Variants in CYP3A5 observed in about 807,000 individuals in gnomAD.
The protein encoded by CYP3A5 is cytochrome P450 3A5.
In CYP3A5, 51 loss-of-function variants were observed where a neutral mutation model predicts 55.9. The ratio of observed to expected loss-of-function variants is 0.91; its 90% CI spans 0.73 to 1.15. CYP3A5 has a LOEUF of 1.15. Ranked by LOEUF, CYP3A5 falls within the 50% of genes most tolerant of loss-of-function variation. The pLI is 0.00. For missense variants in CYP3A5, 533 were observed against 596.6 expected (o/e 0.89, Z 1.11); for synonymous variants, 196 against 213.9 (o/e 0.92, Z 0.73).
In CYP3A5 at chr7:99,652,756, C is replaced by G; in HGVS notation, c.1050G>C (p.Val350=). The G allele has an allele frequency of 6.2e-7, 1 of 1,613,500 alleles. No individual in the cohort carries two copies. The highest frequency in any genetic ancestry group is 8.5e-7 in the Non-Finnish European group (1 of 1,179,896). The change falls in exon 11 of 13, where the codon GTG becomes GTC. Residue 350 remains valine (V), a synonymous_variant. Coordinates refer to ENST00000222982, the MANE Select transcript of CYP3A5 (RefSeq NM_000777.5). ...PNKAPPTYDA[V]VQMEYLDMVV... is the part of the protein sequence containing the mutation. ...CCATGTCAAGGTACTCCATCTGTAC[C>G]ACGGCATCATAGGTAGGTGGTGCCT...
At chr7:99,665,922 T>C (rs528985826) in intron 6 of CYP3A5, among the ~76,000 whole-genome samples, 3 of 152,298 alleles carry the variant, frequency 2.0e-5, no homozygotes, top group Admixed American at 2.0e-4. Flanking sequence ...AAGAATGTTC[T>C]GGTTAAAAAA....
At position 99,677,918 on chromosome 7, in the gene CYP3A5, C is replaced by T. The variant is rs373258927; in HGVS notation, c.72-1710G>A. ...CCCAAGGAAAGATCTTGGTGAGTGT[C>T]TAGATTCACATGGTACCATGTCAAG... On this transcript the variant is annotated intron_variant, in intron 1 of 12. Coordinates refer to ENST00000222982, the MANE Select transcript of CYP3A5 (RefSeq NM_000777.5). 7.9e-5 allele frequency among the ~76,000 whole-genome samples: 12 copies of T among 152,342 alleles called. 1 individual carries two copies. Among genetic ancestry groups the T allele is most frequent in the African/African-American group, 2.9e-4 (12 of 41,584 alleles).
intron 10 of CYP3A5, among the ~76,000 whole-genome samples, chr7:99,655,474 T>TA (rs1809618505): frequency 6.6e-6 from 1 of 152,228 alleles, no homozygotes; most frequent in South Asian, 2.1e-4. Flanking sequence ...CTGTTTTGGT[T>TA]ACTGTAGCCT....
chr7:99,664,746 A>G (rs546182066), intron 7 of CYP3A5, among the ~76,000 whole-genome samples: 2 of 152,310 alleles, frequency 1.3e-5, no homozygotes. Flanking sequence ...AATTGATTAT[A>G]ATTATTTACA....
At chr7:99,663,385 T>C in intron 8 of CYP3A5, 1 of 991,786 alleles carries the variant, frequency 1.0e-6, no homozygotes, top group Non-Finnish European at 1.2e-6. Context: ...CCTGGTCCTG[T>C]CTCCCTGACC....
intron 1 of CYP3A5, among the ~76,000 whole-genome samples, chr7:99,677,403 A>G (rs1180438452): frequency 6.6e-6 from 1 of 152,218 alleles, no homozygotes; most frequent in African/African-American, 2.4e-5. Flanking sequence ...CTTTCAGCTA[A>G]AAGACACAGA....
rs1426988590 is a variant in CYP3A5 at position 99,653,346 on chromosome 7, G to A, written c.1027-567C>T. 6.6e-6 allele frequency among the ~76,000 whole-genome samples: 1 copy of A among 152,070 alleles called. No homozygotes were observed. Among genetic ancestry groups the A allele is most frequent in the Non-Finnish European group, 1.5e-5 (1 of 68,012 alleles). ...TGTGCCTGTAGTTCCAGCTACTCAG[G>A]AGACAGAGGCGGGAGGATGGCTTGA... On this transcript the variant is annotated intron_variant, in intron 10 of 12. Transcript: ENST00000222982. This position sits in a 1 kb window ranked among gnomAD's most constrained non-coding sequence, Gnocchi z 4.2.
chr7:99,669,388 C>T (rs992210572), intron 4 of CYP3A5, among the ~76,000 whole-genome samples: 3 of 152,104 alleles, frequency 2.0e-5, no homozygotes, highest in African/African-American at 7.2e-5. Context: ...AGTTACAACT[C>T]GGACTCAATC....
intron 2 of CYP3A5, among the ~76,000 whole-genome samples, chr7:99,675,626 T>TCTCCC (rs1563003628): frequency 1.5e-3 from 1 of 662 alleles, no homozygotes. Flanking sequence ...CCTCTCCTTT[T>TCTCCC]CTCTCCTCTC....
In CYP3A5 at chr7:99,652,663, A is replaced by C. The variant is rs759779295; in HGVS notation, c.1143T>G (p.Val381=). Reference sequence around the variant, plus strand: ...TGGGAATGAATACCCCATTGATTTCAACATCTTTCTTGCAAGTCCTCTCAA... The same window carrying C: ...TGGGAATGAATACCCCATTGATTTCCACATCTTTCTTGCAAGTCCTCTCAA... The part of the protein sequence containing the change: ...IRLERTCKKD[V]EINGVFIPKG... The change falls in exon 11 of 13, where the codon GTT becomes GTG. Residue 381 remains valine, a synonymous_variant. Transcript: ENST00000222982. 8 of 1,614,116 alleles carry C rather than the reference A, an allele frequency of 5.0e-6. No homozygotes were observed. The highest frequency in any genetic ancestry group is 6.8e-6 in the Non-Finnish European group (8 of 1,180,006).
chr7:99,671,095 A>T (rs2151438429), intron 4 of CYP3A5: 1 of 149,510 alleles, frequency 6.7e-6, no homozygotes, highest in South Asian at 2.1e-4. Context: ...TAGATATATA[A>T]TGAAAACTAT....
chr7:99,674,516 G>A lies in CYP3A5; in HGVS notation c.218+17C>T, dbSNP rs1812028773. ...ACAGTAGCAGGTCTATCCAATGGAG[G>A]TTTTCAGAATACTCACCCCCACATT... On this transcript the variant is annotated intron_variant, in intron 3 of 12. Coordinates refer to ENST00000222982, the MANE Select transcript of CYP3A5 (RefSeq NM_000777.5). The A allele has an allele frequency of 6.2e-7, 1 of 1,611,100 alleles. No homozygotes were observed. The highest frequency in any genetic ancestry group is 1.3e-5 in the African/African-American group (1 of 74,966).
rs28383470 is a variant in CYP3A5, at chr7:99,676,079, C to T, written c.165+36G>A. ...GATGGAACTAAGCTGATGTTTGCAA[C>T]CATAAGAAGCAAAAGAGGAAGCTCA... is the stretch of plus-strand genomic sequence containing the variant. On this transcript the variant is annotated intron_variant, in intron 2 of 12. Transcript: ENST00000222982. The T allele has an allele frequency of 5.8e-4, 921 of 1,580,852 alleles. 3 individuals are homozygous for T. In the African/African-American group the frequency reaches 0.011, roughly 19 times the overall value.
chr7:99,671,774 T>C (rs6977165), intron 4 of CYP3A5: 36,182 of 701,884 alleles, frequency 0.052, 1,298 homozygotes, highest in African/African-American at 0.13. Context: ...ATAGAACCTG[T>C]CAGAGAAAAA....
At chr7:99,650,848 A>G (rs1444419222) in intron 11 of CYP3A5, among the ~76,000 whole-genome samples, 1 of 152,076 alleles carries the variant, frequency 6.6e-6, no homozygotes, top group East Asian at 1.9e-4. Flanking sequence ...CATAAGTTAC[A>G]TGGGCATATG....
rs1812278054 is a variant in CYP3A5 at position 99,676,278 on chromosome 7, C to T, written c.72-70G>A. Reference sequence around the variant, plus strand: ...TAGATCAGAGGGCTGGTGAGTTACTCAGGAACTGGAATGGTCAAGAGAGGG... The same window carrying T: ...TAGATCAGAGGGCTGGTGAGTTACTTAGGAACTGGAATGGTCAAGAGAGGG... On this transcript the variant is annotated intron_variant, in intron 1 of 12. Transcript: ENST00000222982. The T allele has an allele frequency of 8.7e-6, 14 of 1,605,872 alleles. No homozygotes were observed. In the South Asian group the frequency reaches 1.3e-4, roughly 15 times the overall value.
chr7:99,678,427 T>G (rs1812504211), intron 1 of CYP3A5, among the ~76,000 whole-genome samples: 1 of 152,238 alleles, frequency 6.6e-6, no homozygotes, highest in Non-Finnish European at 1.5e-5. Context: ...CCTGAGAGTT[T>G]AAGACAATCT....
At chr7:99,677,563 C>T (rs1039789709) in intron 1 of CYP3A5, among the ~76,000 whole-genome samples, 2 of 152,152 alleles carry the variant, frequency 1.3e-5, no homozygotes, top group African/African-American at 4.8e-5. Context: ...GTATAGGTTC[C>T]AAACATTTTG....
intron 11 of CYP3A5, among the ~76,000 whole-genome samples, chr7:99,651,507 C>T (rs1268761846): frequency 1.3e-5 from 2 of 152,100 alleles, no homozygotes; most frequent in Admixed American, 1.3e-4. Context: ...AAGTCCTCTA[C>T]TCCAGAAAAC....
Sources: gnomAD v4.1 joint callset for allele counts (sites outside exome capture counted in the v4.1 genomes callset) on GRCh38, gnomAD v4.1.1 for gene constraint, Gnocchi (gnomAD v3.1) non-coding constraint, MANE v1.5 for transcripts, NCBI Gene and HGNC (gene_info 2026-07-23, HGNC 2026-07-21) for gene names.